Variants in SOX5 observed in about 807,000 individuals in gnomAD.
SOX5 encodes the protein SRY-box transcription factor 5, also known as transcription factor SOX-5.
A neutral mutation model predicts 92.0 loss-of-function variants in SOX5; 9 were observed. The observed-to-expected ratio is 0.10, with a 90% CI of 0.06 to 0.17. SOX5 has a LOEUF of 0.17. SOX5 is among the 10% of genes least tolerant of loss of function. The probability of loss-of-function intolerance (pLI) is 1.00; values close to 1 mark genes in which losing one functional copy is unlikely to be tolerated. For missense variants in SOX5, 642 were observed against 944.5 expected, an observed-to-expected ratio of 0.68 and a Z score of 4.20; for synonymous variants, 344 against 336.3, an observed-to-expected ratio of 1.02 and a Z score of -0.25.
intron 2 of SOX5, among the ~76,000 whole-genome samples, chr12:24,361,331 G>A (rs552437393): frequency 1.3e-5 from 2 of 152,264 alleles, no homozygotes; most frequent in Admixed American, 6.5e-5. Flanking sequence ...CTCGAGCCCT[G>A]AGATTACTCT....
At chr12:23,821,408 C>T (rs758205400) in intron 3 of SOX5, among the ~76,000 whole-genome samples, 3 of 152,190 alleles carry the variant, frequency 2.0e-5, no homozygotes, top group Non-Finnish European at 2.9e-5. Flanking sequence ...TATTTGAATA[C>T]GCTTTATTTC....
chr12:23,856,141 T>C (rs1185075931), intron 2 of SOX5, among the ~76,000 whole-genome samples: 2 of 152,128 alleles, frequency 1.3e-5, no homozygotes, highest in Non-Finnish European at 1.5e-5. Flanking sequence ...TAAAGCAGAA[T>C]TTCCTGAACC....
At chr12:24,414,749 C>G (rs11047427) in intron 1 of SOX5, among the ~76,000 whole-genome samples, 46,170 of 152,124 alleles carry the variant, frequency 0.3, 7,387 homozygotes, top group Middle Eastern at 0.36. Context: ...CCAGACAGAA[C>G]TACCGCATTC....
At chr12:23,570,634 G>T (rs1342032410) in intron 10 of SOX5, among the ~76,000 whole-genome samples, 3 of 151,634 alleles carry the variant, frequency 2.0e-5, no homozygotes, top group Non-Finnish European at 2.9e-5. Flanking sequence ...AAATTGGTCG[G>T]GTGTGGTGGC....
chr12:23,991,992 T>C (rs1950601500), intron 4 of SOX5, among the ~76,000 whole-genome samples: 1 of 152,056 alleles, frequency 6.6e-6, no homozygotes, highest in Non-Finnish European at 1.5e-5. Context: ...TTTCCAAAAA[T>C]TGCATTTTCT....
intron 4 of SOX5, among the ~76,000 whole-genome samples, chr12:24,032,828 T>C (rs1187322153): frequency 2.0e-5 from 3 of 151,958 alleles, no homozygotes; most frequent in African/African-American, 4.8e-5. Flanking sequence ...AATAGCATTT[T>C]ATTTTCAATT....
chr12:24,170,752 A>C (rs1953992463), intron 4 of SOX5, among the ~76,000 whole-genome samples: 1 of 152,238 alleles, frequency 6.6e-6, no homozygotes, highest in African/African-American at 2.4e-5. Flanking sequence ...AGAAATAATG[A>C]AATTTGGCTT....
At chr12:23,822,803 G>A (rs940125202) in intron 3 of SOX5, among the ~76,000 whole-genome samples, 6 of 152,104 alleles carry the variant, frequency 3.9e-5, no homozygotes. Context: ...GAATCTGGGT[G>A]CTCCTGTATT....
intron 2 of SOX5, among the ~76,000 whole-genome samples, chr12:24,277,541 G>GTATATAAATTTATATTTATATATTAAA (rs1944633450): frequency 1.6e-5 from 1 of 61,800 alleles, no homozygotes; most frequent in African/African-American, 4.5e-5. Context: ...TAATTTATAT[G>GTATATAAATTTATATTTATATATTAAA]TATATAAATT....
chr12:24,555,102 G>A (rs1189273792), intron 1 of SOX5, among the ~76,000 whole-genome samples: 1 of 152,248 alleles, frequency 6.6e-6, no homozygotes, highest in Non-Finnish European at 1.5e-5. Context: ...CACAGCAGGA[G>A]CTCGCGCTGA....
chr12:24,512,583 G>T (rs912307234), intron 1 of SOX5, among the ~76,000 whole-genome samples: 6 of 152,188 alleles, frequency 3.9e-5, no homozygotes, highest in African/African-American at 1.2e-4. Context: ...AAGGAGTGGT[G>T]GAGAGTGCAA....
chr12:24,542,563 A>G (rs751013772), intron 1 of SOX5, among the ~76,000 whole-genome samples: 1 of 152,218 alleles, frequency 6.6e-6, no homozygotes, highest in Non-Finnish European at 1.5e-5. Flanking sequence ...CCTGAATGGC[A>G]GAAAGACTCC....
chr12:24,154,454 T>C (rs1169587761), intron 4 of SOX5, among the ~76,000 whole-genome samples: 1 of 152,168 alleles, frequency 6.6e-6, no homozygotes, highest in Non-Finnish European at 1.5e-5. Flanking sequence ...TGCACCTTCC[T>C]CATTGCTATA....
At chr12:23,789,371 G>C (rs565086136) in intron 3 of SOX5, among the ~76,000 whole-genome samples, 1 of 151,966 alleles carries the variant, frequency 6.6e-6, no homozygotes, top group Admixed American at 6.6e-5. Flanking sequence ...CCCATTCTTA[G>C]CAGTATTAAC....
intron 4 of SOX5, among the ~76,000 whole-genome samples, chr12:24,015,917 G>T: frequency 9.4e-6 from 1 of 106,680 alleles, no homozygotes; most frequent in East Asian, 4.0e-4. Flanking sequence ...TATTCAATGG[G>T]GGCAGAAAAA....
intron 2 of SOX5, among the ~76,000 whole-genome samples, chr12:23,860,250 T>C (rs2096739942): frequency 6.6e-6 from 1 of 151,766 alleles, no homozygotes; most frequent in East Asian, 1.9e-4. Flanking sequence ...CTCCATGACA[T>C]GTGTTTATCT....
chr12:24,032,421 G>C (rs930369240), intron 4 of SOX5, among the ~76,000 whole-genome samples: 5 of 151,648 alleles, frequency 3.3e-5, no homozygotes, highest in Non-Finnish European at 7.4e-5. Context: ...AATATAATCA[G>C]TCAACATTGA....
chr12:23,825,368 C>T (rs945951800), intron 3 of SOX5, among the ~76,000 whole-genome samples: 6 of 152,144 alleles, frequency 3.9e-5, no homozygotes, highest in Non-Finnish European at 8.8e-5. Flanking sequence ...GAGGCAACGC[C>T]CTACCCTGCT....
At chr12:23,548,184 T>A (rs1279970365) in intron 11 of SOX5, among the ~76,000 whole-genome samples, 1 of 152,012 alleles carries the variant, frequency 6.6e-6, no homozygotes. Flanking sequence ...AGTTTTCCAT[T>A]CTGAAGCAAA....
Sources: gnomAD v4.1 joint callset for allele counts (sites outside exome capture counted in the v4.1 genomes callset) on GRCh38, gnomAD v4.1.1 for gene constraint, MANE v1.5 for transcripts, NCBI Gene and HGNC (gene_info 2026-07-23, HGNC 2026-07-21) for gene names.